FAM81A: variants seen among roughly 807,000 people sequenced by gnomAD.
FAM81A encodes the protein protein FAM81A.
FAM81A carries 19 observed loss-of-function variants against 46.7 expected under a neutral mutation model. That is an observed-to-expected ratio of 0.41 (90% CI 0.28 to 0.60). FAM81A has a LOEUF of 0.60. Among genes scored for constraint, FAM81A ranks in the 20% least tolerant of loss-of-function variants. The pLI is 0.34. For synonymous variants in FAM81A, 183 were observed against 152.9 expected (o/e 1.20, Z -1.45); for missense variants, 377 against 453.5 (o/e 0.83, Z 1.53).
chr15:59,433,648 A>G (rs1173571733), upstream of FAM81A, among the ~76,000 whole-genome samples: 1 of 152,224 alleles, frequency 6.6e-6, no homozygotes, highest in African/African-American at 2.4e-5. Context: ...CTATAAATAA[A>G]AGAGGAAAAA....
chr15:59,445,092 T>C (rs551627246), intron 1 of FAM81A: 6 of 152,298 alleles, frequency 3.9e-5, no homozygotes, highest in Non-Finnish European at 8.8e-5. Flanking sequence ...CAGATTTCAG[T>C]GTGGTGAAAA....
rs1226621958 is a variant in FAM81A at position 59,522,574 on chromosome 15, A to G, written c.*1196A>G. 2.0e-5 allele frequency: 3 copies of G among 152,294 alleles called. No individual in the cohort carries two copies. The highest frequency in any genetic ancestry group is 1.9e-4 in the East Asian group (1 of 5,202). The allele number at this position is 152,294 out of a possible 1,614,324, so 9.4% of individuals were successfully genotyped here. ...GATGGGTGTTTTATTTTCAATCGCC[A>G]TATTTGATCAGTCATTGAAAATTGG... On this transcript the variant is annotated 3_prime_UTR_variant, in exon 9 of 9. Coordinates refer to ENST00000288228, the MANE Select transcript of FAM81A (RefSeq NM_152450.3).
chr15:59,402,036 CT>C (rs1448418857), intron 1 of FAM81A: 1 of 570,618 alleles, frequency 1.8e-6, no homozygotes. Flanking sequence ...GGAGCAGCCC[CT>C]GGGGTGCGAA....
intron 4 of FAM81A, among the ~76,000 whole-genome samples, chr15:59,495,259 C>T (rs1414485693): frequency 3.9e-5 from 6 of 152,194 alleles, no homozygotes; most frequent in Admixed American, 2.6e-4. Flanking sequence ...GGATTTCCCT[C>T]TTCTGAGCAT....
chr15:59,424,946 C>T (rs569338532), intron 2 of FAM81A, among the ~76,000 whole-genome samples: 1 of 152,334 alleles, frequency 6.6e-6, no homozygotes, highest in East Asian at 1.9e-4. Flanking sequence ...TAAACCATTC[C>T]ATGGCTTATA....
At chr15:59,519,421 T>A (rs2082303258) in intron 8 of FAM81A, among the ~76,000 whole-genome samples, 1 of 151,904 alleles carries the variant, frequency 6.6e-6, no homozygotes, top group Non-Finnish European at 1.5e-5. Context: ...ACTACTGACC[T>A]CAAGTAATCC....
At chr15:59,445,307 G>A (rs3803444) in intron 1 of FAM81A, 78,624 of 152,018 alleles carry the variant, frequency 0.52, 21,352 homozygotes, top group Non-Finnish European at 0.62. Context: ...TAAATAAAAA[G>A]CATGTTTATG....
intron 1 of FAM81A, among the ~76,000 whole-genome samples, chr15:59,439,331 C>A (rs1174241383): frequency 6.6e-6 from 1 of 151,712 alleles, no homozygotes; most frequent in African/African-American, 2.4e-5. Context: ...TGAGAACCAT[C>A]CCCAGATTTG....
At chr15:59,478,187 G>T (rs1256115081) in intron 3 of FAM81A, among the ~76,000 whole-genome samples, 1 of 152,152 alleles carries the variant, frequency 6.6e-6, no homozygotes, top group Non-Finnish European at 1.5e-5. Flanking sequence ...TGGGAACCAT[G>T]CAGTGGGGTC....
At chr15:59,439,880 C>T (rs1362886756) in intron 1 of FAM81A, 1 of 152,268 alleles carries the variant, frequency 6.6e-6, no homozygotes, top group Non-Finnish European at 1.5e-5. Context: ...TAGGCTGTGT[C>T]ACTCCGACCT....
chr15:59,420,554 G>A (rs1254065372), intron 2 of FAM81A, among the ~76,000 whole-genome samples: 2 of 152,216 alleles, frequency 1.3e-5, no homozygotes, highest in Non-Finnish European at 2.9e-5. Context: ...TGTCAGCCTA[G>A]AGAGAATTTT....
In FAM81A at chr15:59,460,409, T is replaced by A; in HGVS notation, c.294+203T>A. The A allele has an allele frequency of 1.4e-6, 1 of 725,912 alleles. No homozygotes were observed. Among genetic ancestry groups the A allele is most frequent in the Non-Finnish European group, 2.4e-6 (1 of 411,194 alleles). 45.0% of individuals were successfully genotyped at this position (725,912 alleles called of 1,614,324 possible). A position where few individuals can be genotyped will look rare whatever the true frequency, so the allele number is the denominator to read the frequency against. ...ATTTATTCCAGTGTTTGATAACAGTTACTGTTAGTGTTATGTTTAATCTAA... is the reference window on the plus strand; with the variant it reads ...ATTTATTCCAGTGTTTGATAACAGTAACTGTTAGTGTTATGTTTAATCTAA... On this transcript the variant is annotated intron_variant, in intron 3 of 8. Transcript: ENST00000288228. The surrounding 1 kb of genome is among the most constrained non-coding windows in gnomAD (Gnocchi z 4.4).
chr15:59,486,944 G>T (rs905885134), intron 3 of FAM81A, among the ~76,000 whole-genome samples: 8 of 151,726 alleles, frequency 5.3e-5, no homozygotes, highest in Non-Finnish European at 1.2e-4. Context: ...TCATCTGAAG[G>T]TACAAAACTC....
At chr15:59,469,384 C>G (rs1418754889) in intron 3 of FAM81A, among the ~76,000 whole-genome samples, 1 of 152,152 alleles carries the variant, frequency 6.6e-6, no homozygotes, top group Non-Finnish European at 1.5e-5. Flanking sequence ...CTTTATGAAT[C>G]TGGGTGCTCC....
intron 2 of FAM81A, among the ~76,000 whole-genome samples, chr15:59,419,756 C>A (rs1195328154): frequency 6.6e-6 from 1 of 152,114 alleles, no homozygotes; most frequent in Non-Finnish European, 1.5e-5. Context: ...CGCCTGTAAT[C>A]TCAACTACTT....
At chr15:59,426,915 T>C (rs1286289692) in intron 2 of FAM81A, among the ~76,000 whole-genome samples, 2 of 152,084 alleles carry the variant, frequency 1.3e-5, no homozygotes, top group Non-Finnish European at 2.9e-5. Flanking sequence ...CTTTTAACTC[T>C]TAGCATTAAG....
chr15:59,491,443 G>A (rs2081980374), intron 3 of FAM81A, among the ~76,000 whole-genome samples: 1 of 151,978 alleles, frequency 6.6e-6, no homozygotes, highest in Admixed American at 6.6e-5. Flanking sequence ...GGGTGGGGTG[G>A]AAATGTGGAT....
chr15:59,443,490 A>G (rs1462958508), intron 1 of FAM81A, among the ~76,000 whole-genome samples: 1 of 152,186 alleles, frequency 6.6e-6, no homozygotes, highest in Non-Finnish European at 1.5e-5. Flanking sequence ...ACCGTTTCCC[A>G]GTCATTCTGT....
chr15:59,407,068 C>A, intron 2 of FAM81A: 1 of 161,736 alleles, frequency 6.2e-6, no homozygotes, highest in East Asian at 1.5e-4. Flanking sequence ...TGATGGATCT[C>A]ATCGTATCTG....
Sources: allele counts gnomAD v4.1 joint callset (sites outside exome capture counted in the v4.1 genomes callset), GRCh38; gene constraint gnomAD v4.1.1; non-coding constraint Gnocchi (gnomAD v3.1); transcripts MANE v1.5; gene names NCBI Gene and HGNC (gene_info 2026-07-23, HGNC 2026-07-21).